OSBPL1A: variants seen among roughly 807,000 people sequenced by gnomAD.
OSBPL1A encodes the protein oxysterol binding protein like 1A.
A neutral mutation model predicts 137.1 loss-of-function variants in OSBPL1A; 80 were observed. The observed-to-expected ratio is 0.58, with a 90% confidence interval of 0.49 to 0.70. The LOEUF is 0.70. Among genes scored for constraint, OSBPL1A ranks in the 30% least tolerant of loss-of-function variants. The probability of loss-of-function intolerance (pLI) is 0.00; values close to 1 mark genes in which losing one functional copy is unlikely to be tolerated. For missense variants in OSBPL1A, 970 were observed against 1,129.4 expected (o/e 0.86, Z 2.02); for synonymous variants, 365 against 389.7 (o/e 0.94, Z 0.75).
chr18:24,305,502 A>G (rs371646310), intron 13 of OSBPL1A, among the ~76,000 whole-genome samples: 1 of 152,248 alleles, frequency 6.6e-6, no homozygotes, highest in African/African-American at 2.4e-5. Context: ...GAGGTTATTA[A>G]TATAATAAAA....
At chr18:24,373,778 C>T (rs1230818648) in intron 2 of OSBPL1A, among the ~76,000 whole-genome samples, 1 of 152,010 alleles carries the variant, frequency 6.6e-6, no homozygotes, top group Non-Finnish European at 1.5e-5. Flanking sequence ...GGGAAGGAAC[C>T]CCCCACATGG....
chr18:24,368,110 T>C (rs1905294433), intron 3 of OSBPL1A, 177 bp downstream of exon 3: 2 of 406,552 alleles, frequency 4.9e-6, no homozygotes, highest in Admixed American at 8.4e-5. Flanking sequence ...TTTTAATTAA[T>C]CAGGCTAACC....
chr18:24,376,712 T>C (rs1159613567), intron 2 of OSBPL1A, among the ~76,000 whole-genome samples: 6 of 152,230 alleles, frequency 3.9e-5, no homozygotes, highest in South Asian at 2.1e-4. Context: ...CTGCAGGTCC[T>C]GAGCCCTGCC....
chr18:24,315,118 G>A (rs958447240), intron 11 of OSBPL1A, among the ~76,000 whole-genome samples: 4 of 152,252 alleles, frequency 2.6e-5, no homozygotes, highest in South Asian at 2.1e-4. Context: ...TGGGAGTCAC[G>A]CTCTCTGGAG....
intron 12 of OSBPL1A, among the ~76,000 whole-genome samples, chr18:24,313,862 G>A (rs1456890703): frequency 2.0e-5 from 3 of 152,178 alleles, no homozygotes; most frequent in East Asian, 3.9e-4. Context: ...AGCACTTTGG[G>A]AGGCCAAGGC....
At chr18:24,241,815 A>C (rs931750506) in intron 15 of OSBPL1A, among the ~76,000 whole-genome samples, 1 of 152,198 alleles carries the variant, frequency 6.6e-6, no homozygotes, top group Non-Finnish European at 1.5e-5. Flanking sequence ...TCCTATAAAG[A>C]CACATGCACA....
intron 4 of OSBPL1A, chr18:24,358,385 G>A (rs1045485376): frequency 1.5e-5 from 10 of 681,442 alleles, no homozygotes; most frequent in Non-Finnish European, 2.7e-5. Context: ...CGCTTGAGCC[G>A]GCAGCACTAC....
At chr18:24,166,970 A>T (rs2086158652) in intron 25 of OSBPL1A, among the ~76,000 whole-genome samples, 1 of 152,234 alleles carries the variant, frequency 6.6e-6, no homozygotes, top group Admixed American at 6.5e-5. Flanking sequence ...AGCAAAAATC[A>T]ACATTCTTTT....
intron 15 of OSBPL1A, chr18:24,272,255 C>CT (rs1213099871): frequency 0.063 from 58,593 of 924,914 alleles, 346 homozygotes; most frequent in African/African-American, 0.11. Context: ...TTTCTTTTTT[C>CT]TTTTTTTTTT....
At chr18:24,210,535 C>CTT (rs11355890) in intron 17 of OSBPL1A, among the ~76,000 whole-genome samples, 27 of 143,162 alleles carry the variant, frequency 1.9e-4, no homozygotes, top group African/African-American at 4.4e-4. Context: ...TTTTCTTTTT[C>CTT]TTTTTTTTTT....
intron 15 of OSBPL1A, among the ~76,000 whole-genome samples, chr18:24,262,675 C>T (rs1162707594): frequency 6.6e-6 from 1 of 152,030 alleles, no homozygotes; most frequent in Admixed American, 6.5e-5. Context: ...TAACTAGCAC[C>T]ACCATCAAGA....
chr18:24,177,805 A>G (rs891083817), intron 21 of OSBPL1A, among the ~76,000 whole-genome samples: 1 of 152,262 alleles, frequency 6.6e-6, no homozygotes, highest in African/African-American at 2.4e-5. Context: ...TCAAAAATCA[A>G]GTTAAACTAT....
intron 13 of OSBPL1A, among the ~76,000 whole-genome samples, chr18:24,305,575 T>G (rs533634521): frequency 5.3e-5 from 8 of 152,194 alleles, no homozygotes; most frequent in Non-Finnish European, 1.2e-4. Context: ...TAAAAATCAA[T>G]TTATGAAAGT....
chr18:24,248,026 G>A (rs2088955291), intron 15 of OSBPL1A, among the ~76,000 whole-genome samples: 2 of 152,080 alleles, frequency 1.3e-5, no homozygotes, highest in South Asian at 4.1e-4. Context: ...TCTTGACTTT[G>A]TCAAAAAGGG....
At chr18:24,307,766 T>C (rs1451925227) in intron 13 of OSBPL1A, among the ~76,000 whole-genome samples, 1 of 152,200 alleles carries the variant, frequency 6.6e-6, no homozygotes, top group African/African-American at 2.4e-5. Context: ...TTTATTTTAG[T>C]TGGGAATCAG....
At chr18:24,252,470 T>C (rs1263491634) in intron 15 of OSBPL1A, among the ~76,000 whole-genome samples, 1 of 151,982 alleles carries the variant, frequency 6.6e-6, no homozygotes, top group Non-Finnish European at 1.5e-5. Context: ...TAGTATATCT[T>C]GCAAAAAATA....
chr18:24,176,534 C>T lies in OSBPL1A; in HGVS notation c.2093+1479G>A, dbSNP rs558621931. Among the ~76,000 whole-genome samples, 9 of 151,434 alleles carry T rather than the reference C, an allele frequency of 5.9e-5. 1 individual carries two copies. In the South Asian group the frequency reaches 1.9e-3, roughly 32 times the overall value. On this transcript the variant is annotated intron_variant, in intron 21 of 27. Coordinates refer to ENST00000319481, the MANE Select transcript of OSBPL1A (RefSeq NM_080597.4). ...TTAGTTTGTTGAGATTTTCCTGTTG[C>T]TTGGTATGCTGAATGATTTTGGATT...
intron 15 of OSBPL1A, among the ~76,000 whole-genome samples, chr18:24,240,025 G>A (rs2088638738): frequency 6.9e-6 from 1 of 145,716 alleles, no homozygotes; most frequent in African/African-American, 2.5e-5. Context: ...TTGGGTTCAA[G>A]CTATTCTCAT....
chr18:24,256,675 T>A lies in OSBPL1A; in HGVS notation c.1282-17293A>T, dbSNP rs527266667. Among the ~76,000 whole-genome samples, 5 of 152,196 alleles carry A rather than the reference T, an allele frequency of 3.3e-5. 1 individual carries two copies. The South Asian group carries it at 1.0e-3, about 32-fold the overall frequency. On this transcript the variant is annotated intron_variant, in intron 15 of 27. Transcript: ENST00000319481. ...AATTGGAAAGGAAGAAGTCAAATTA[T>A]CCTTGTTTGCAGATGATATGAACTT...
Sources: allele counts gnomAD v4.1 joint callset (sites outside exome capture counted in the v4.1 genomes callset), GRCh38; gene constraint gnomAD v4.1.1; transcripts MANE v1.5; gene names NCBI Gene and HGNC (gene_info 2026-07-23, HGNC 2026-07-21).